The following PDZD2 variants were observed in gnomAD, a reference collection of about 807,000 sequenced individuals.
PDZD2 encodes PDZ domain-containing protein 2.
Under a neutral mutation model 220.7 loss-of-function variants are expected in PDZD2, and 90 were observed. The ratio of observed to expected loss-of-function variants is 0.41; its 90% CI spans 0.34 to 0.49. The LOEUF (loss-of-function observed/expected upper bound fraction) is 0.49. Ranked by LOEUF, PDZD2 falls within the 20% of genes least tolerant of loss-of-function variation. PDZD2 has a pLI of 0.28. For synonymous variants in PDZD2, 1,375 were observed against 1,450.5 expected, an observed-to-expected ratio of 0.95 and a Z score of 1.18; for missense variants, 3,174 against 3,608.5, an observed-to-expected ratio of 0.88 and a Z score of 3.08.
chr5:31,820,150 T>A (rs1404847275), intron 2 of PDZD2, among the ~76,000 whole-genome samples: 1 of 152,224 alleles, frequency 6.6e-6, no homozygotes, highest in Non-Finnish European at 1.5e-5. Context: ...GCTGGGATAC[T>A]TGATATGACT....
In PDZD2 at chr5:32,077,202, G is replaced by A. The variant is rs16889405; in HGVS notation, c.3538-260G>A. ...TTTTTATAACTGTTCTCATTTAATCGTCTTCTTTTAAGCTCTATGAGTAAG... is the reference window on the plus strand; with the variant it reads ...TTTTTATAACTGTTCTCATTTAATCATCTTCTTTTAAGCTCTATGAGTAAG... On this transcript the variant is annotated intron_variant, in intron 18 of 24. Coordinates refer to ENST00000438447, the MANE Select transcript of PDZD2 (RefSeq NM_178140.4). Among the ~76,000 whole-genome samples, 7 of 151,994 alleles carry A rather than the reference G, an allele frequency of 4.6e-5. No individual in the cohort carries two copies. In the South Asian group the frequency reaches 6.2e-4, roughly 14 times the overall value.
At chr5:31,910,955 A>C (rs919342257) in intron 2 of PDZD2, among the ~76,000 whole-genome samples, 5 of 152,172 alleles carry the variant, frequency 3.3e-5, no homozygotes, top group African/African-American at 1.2e-4. Context: ...CTTTATTTTA[A>C]ACCAGTTCTG....
At chr5:31,674,861 G>A (rs1210326189) in intron 1 of PDZD2, among the ~76,000 whole-genome samples, 3 of 151,930 alleles carry the variant, frequency 2.0e-5, no homozygotes, top group Admixed American at 6.6e-5. Context: ...TTGTTGCCTC[G>A]GTGTTACAAA....
At chr5:31,858,803 C>T (rs752527169) in intron 2 of PDZD2, among the ~76,000 whole-genome samples, 1 of 151,132 alleles carries the variant, frequency 6.6e-6, no homozygotes, top group Non-Finnish European at 1.5e-5. Flanking sequence ...ACTGCAACCT[C>T]TGCCTCCCGG....
intron 7 of PDZD2, among the ~76,000 whole-genome samples, chr5:32,038,370 TAC>T (rs1377532006): frequency 6.7e-6 from 1 of 150,364 alleles, no homozygotes; most frequent in Non-Finnish European, 1.5e-5. Flanking sequence ...TCTACTAAAA[TAC>T]ACACACACAC....
intron 1 of PDZD2, among the ~76,000 whole-genome samples, chr5:31,721,018 C>T (rs1748757107): frequency 6.6e-6 from 1 of 152,054 alleles, no homozygotes; most frequent in Non-Finnish European, 1.5e-5. Flanking sequence ...GACAACAAGG[C>T]AGGAGGAGGT....
Position 32,101,108 on chromosome 5 carries a change from G to A in PDZD2, c.8222G>A (p.Arg2741Lys). The A allele has an allele frequency of 6.2e-7, 1 of 1,614,196 alleles. No individual in the cohort carries two copies. The highest frequency in any genetic ancestry group is 8.5e-7 in the Non-Finnish European group (1 of 1,180,018). The change falls in exon 24 of 25, where the codon AGA (arginine) becomes AAA (lysine). Residue 2741 changes from arginine to lysine, a missense_variant. Physicochemically the swap from Arg to Lys is conservative, Grantham distance 26. Transcript: ENST00000438447. ...KTIPLEPGIGRSVAVHDALCV... is the reference protein window; with the variant it reads ...KTIPLEPGIGKSVAVHDALCV... ...TTGGTGCACGCTGCGGCTGCAGGGA[G>A]AAGTGTGGCTGTACACGATGCTCTG...
intron 6 of PDZD2, among the ~76,000 whole-genome samples, chr5:32,014,808 A>G (rs561694618): frequency 7.2e-6 from 1 of 138,160 alleles, no homozygotes; most frequent in South Asian, 2.3e-4. Context: ...CTCCACCTCC[A>G]GGGTTTAAGC....
intron 1 of PDZD2, among the ~76,000 whole-genome samples, chr5:31,731,116 A>C (rs1749510136): frequency 6.6e-6 from 1 of 152,076 alleles, no homozygotes. Flanking sequence ...TCCAGCCTGC[A>C]GTTTGGGTAT....
At chr5:31,961,801 G>A (rs902210047) in intron 2 of PDZD2, among the ~76,000 whole-genome samples, 2 of 152,054 alleles carry the variant, frequency 1.3e-5, no homozygotes, top group South Asian at 2.1e-4. Context: ...CCACCACCAC[G>A]CCTGGCTAAT....
At chr5:31,993,636 A>G (rs916476668) in intron 3 of PDZD2, among the ~76,000 whole-genome samples, 7 of 152,146 alleles carry the variant, frequency 4.6e-5, no homozygotes, top group African/African-American at 1.2e-4. Flanking sequence ...TAACGGTTCC[A>G]TTGGACTTTT....
chr5:31,996,035 T>C (rs988390680), intron 4 of PDZD2, among the ~76,000 whole-genome samples: 3 of 152,194 alleles, frequency 2.0e-5, no homozygotes, highest in African/African-American at 7.2e-5. Flanking sequence ...AGGCTACTTA[T>C]TGAGAATATG....
chr5:32,014,513 C>T (rs189147561), intron 6 of PDZD2, among the ~76,000 whole-genome samples: 85 of 152,166 alleles, frequency 5.6e-4, no homozygotes, highest in African/African-American at 2.0e-3. Context: ...TGGGGTCTGG[C>T]TTCAGTGACA....
intron 2 of PDZD2, among the ~76,000 whole-genome samples, chr5:31,845,644 A>G (rs1399085197): frequency 6.6e-6 from 1 of 152,214 alleles, no homozygotes; most frequent in East Asian, 1.9e-4. Context: ...GGTAGCAATT[A>G]AGAGTAAGCA....
At chr5:31,711,717 C>T (rs1235740124) in intron 1 of PDZD2, among the ~76,000 whole-genome samples, 1 of 152,030 alleles carries the variant, frequency 6.6e-6, no homozygotes, top group Non-Finnish European at 1.5e-5. Flanking sequence ...AAGTGTAGGG[C>T]CATGGCAAAC....
chr5:31,728,487 T>C (rs1399299590), intron 1 of PDZD2, among the ~76,000 whole-genome samples: 7 of 152,186 alleles, frequency 4.6e-5, no homozygotes, highest in Non-Finnish European at 7.3e-5. Context: ...CATCTGGCTG[T>C]CTAGATGTTG....
At chr5:31,998,533 G>T (rs527577008) in intron 4 of PDZD2, among the ~76,000 whole-genome samples, 61 of 152,306 alleles carry the variant, frequency 4.0e-4, no homozygotes, top group African/African-American at 1.4e-3. Context: ...AAAGCCAGGG[G>T]AGAGCCTAGA....
chr5:32,009,475 C>T (rs1439782023), intron 5 of PDZD2, among the ~76,000 whole-genome samples: 2 of 151,910 alleles, frequency 1.3e-5, no homozygotes, highest in Non-Finnish European at 2.9e-5. Flanking sequence ...CTCCTGTAAT[C>T]CCAGCACTTT....
At chr5:31,742,696 C>T (rs1750341982) in intron 1 of PDZD2, among the ~76,000 whole-genome samples, 1 of 152,190 alleles carries the variant, frequency 6.6e-6, no homozygotes, top group South Asian at 2.1e-4. Context: ...AGAGCCATAA[C>T]TTGCTAGGGC....
Sources: allele counts gnomAD v4.1 joint callset (sites outside exome capture counted in the v4.1 genomes callset), GRCh38; gene constraint gnomAD v4.1.1; transcripts MANE v1.5; gene names NCBI Gene and HGNC (gene_info 2026-07-23, HGNC 2026-07-21).